GZMM: variants seen among roughly 807,000 people sequenced by gnomAD.
GZMM encodes HU-Met-1.
A neutral mutation model predicts 19.2 loss-of-function variants in GZMM; 23 were observed. That is an observed-to-expected ratio of 1.20 (90% CI 0.86 to 1.69). GZMM has a LOEUF of 1.69. Ranked by LOEUF, GZMM falls within the 40% of genes most tolerant of loss-of-function variation. The pLI, the probability that GZMM is intolerant of heterozygous loss-of-function variation, is 0.00. For synonymous variants in GZMM, 178 were observed against 160.2 expected (o/e 1.11, Z -0.84); for missense variants, 373 against 352.2 (o/e 1.06, Z -0.47).
chr19:548,881 C>G (rs906889947), intron 3 of GZMM, 41 bp from the exon 4 acceptor site: 2 of 1,272,306 alleles, frequency 1.6e-6, no homozygotes, highest in African/African-American at 1.5e-5. Context: ...CGCACTCTCA[C>G]CCCCTCCCCC....
At chr19:549,517 T>C (rs996870769) in intron 4 of GZMM, 113 bp from the exon 5 acceptor site, 38 of 1,116,902 alleles carry the variant, frequency 3.4e-5, no homozygotes, top group Non-Finnish European at 1.0e-5. Flanking sequence ...GCAGCCCCTG[T>C]GTCTCCTTGA....
rs537666801 is a variant in GZMM at position 544,391 on chromosome 19, C to T, written c.55+265C>T. On this transcript the variant is annotated intron_variant, in intron 1 of 4. Coordinates refer to ENST00000264553, the MANE Select transcript of GZMM (RefSeq NM_005317.4). ...GCAGCCAGAAGGCAGGGGTCACGCT[C>T]ACACCCGAGGTGCAGAGTAGGAGAC... Among the ~76,000 whole-genome samples the T allele has an allele frequency of 1.1e-4, 17 of 152,230 alleles. No homozygotes were observed. In the South Asian group the frequency reaches 3.5e-3, roughly 32 times the overall value.
intron 4 of GZMM, 33 bp downstream of exon 4, chr19:549,218 A>G: frequency 6.5e-7 from 1 of 1,529,562 alleles, no homozygotes; most frequent in East Asian, 2.4e-5. Flanking sequence ...TGGGGGAATG[A>G]GGCTGGCGGG....
intron 1 of GZMM, among the ~76,000 whole-genome samples, chr19:546,069 T>C (rs1049064316): frequency 6.5e-4 from 16 of 24,440 alleles, no homozygotes; most frequent in Admixed American, 5.7e-3. Flanking sequence ...CGTGAGCCAC[T>C]GCACCGGCCC....
At chr19:548,704 T>C in intron 3 of GZMM, 27 bp downstream of exon 3, 1 of 1,608,902 alleles carries the variant, frequency 6.2e-7, no homozygotes, top group Non-Finnish European at 8.5e-7. Context: ...CAGGGAGAAC[T>C]GGGCACCCTC....
At chr19:548,492 G>C (rs1484485769) in intron 2 of GZMM, 50 bp from the exon 3 acceptor site, 4 of 1,592,332 alleles carry the variant, frequency 2.5e-6, no homozygotes, top group Non-Finnish European at 3.4e-6. Flanking sequence ...CATGTGGCGG[G>C]TCGTCCACGC....
rs376548111 is a variant in GZMM at position 549,785 on chromosome 19, G to A, written c.768G>A (p.Ser256=). Residue 256 remains serine (S), a synonymous_variant, in exon 5 of 5, where the codon TCG becomes TCA. Coordinates refer to ENST00000264553, the MANE Select transcript of GZMM (RefSeq NM_005317.4). ...VSWIRKVTGR[S]A is the part of the protein sequence containing the mutation. ...GGATCAGGAAGGTCACCGGCCGATC[G>A]GCCTGATGCCCTGGGGTGATGGGGA... is the stretch of plus-strand genomic sequence containing the variant. 25 of 1,611,610 alleles carry A rather than the reference G, an allele frequency of 1.6e-5. No individual in the cohort carries two copies. Among genetic ancestry groups the A allele is most frequent in the Non-Finnish European group, 2.0e-5 (24 of 1,179,700 alleles).
chr19:548,425 G>A, intron 2 of GZMM, 117 bp from the exon 3 acceptor site: 1 of 1,000,600 alleles, frequency 1.0e-6, no homozygotes, highest in Non-Finnish European at 1.5e-6. Context: ...AGGCCTGTGA[G>A]GGGCAGCGGC....
At position 549,616 on chromosome 19, in the gene GZMM, T is replaced by C. The variant is rs1318525032; in HGVS notation, c.613-14T>C. 1 of 1,607,054 alleles carries C rather than the reference T, an allele frequency of 6.2e-7. No individual in the cohort carries two copies. The stretch of plus-strand genomic sequence containing the variant: ...CAGGTGCAGAGGCTGAGCTGCGGTG[T>C]GTCGTCCCTGCAGGGTGACTCGGGC... On this transcript the variant is annotated splice_polypyrimidine_tract_variant and intron_variant, in intron 4 of 4. Transcript: ENST00000264553.
At chr19:548,814 C>A (rs1302396787) in intron 3 of GZMM, 108 bp from the exon 4 acceptor site, 3 of 468,692 alleles carry the variant, frequency 6.4e-6, no homozygotes, top group East Asian at 4.6e-5. Flanking sequence ...TGCCCCCTCC[C>A]CCATTGCCCA....
At chr19:548,063 C>T (rs987559610) in intron 2 of GZMM, among the ~76,000 whole-genome samples, 1 of 152,174 alleles carries the variant, frequency 6.6e-6, no homozygotes, top group African/African-American at 2.4e-5. Context: ...CTGTGGAGCC[C>T]ATCTGTCTCC....
chr19:545,496 T>G (rs373181029), intron 1 of GZMM, among the ~76,000 whole-genome samples: 1 of 148,152 alleles, frequency 6.7e-6, no homozygotes, highest in Non-Finnish European at 1.5e-5. Flanking sequence ...TACAGGCGCC[T>G]GCCACCATGC....
In GZMM at chr19:549,865, GAGGAC is replaced by G; in HGVS notation, c.*75_*79del. The G allele has an allele frequency of 1.3e-5, 7 of 530,994 alleles. No homozygotes were observed. Among genetic ancestry groups the G allele is most frequent in the Non-Finnish European group, 2.1e-5 (6 of 284,200 alleles). 32.9% of individuals were successfully genotyped at this position (530,994 alleles called of 1,614,324 possible). A position where few individuals can be genotyped will look rare whatever the true frequency, so the allele number is the denominator to read the frequency against. ...CCTCCAGGGGTGCAGTGGGGTGGGT[GAGGAC>G]GGGTGGGAGGGACAGGGAGGGACCA... On this transcript the variant is annotated 3_prime_UTR_variant, in exon 5 of 5. Coordinates refer to ENST00000264553, the MANE Select transcript of GZMM (RefSeq NM_005317.4).
At chr19:546,637 A>G (rs1323002903) in intron 1 of GZMM, among the ~76,000 whole-genome samples, 1 of 150,822 alleles carries the variant, frequency 6.6e-6, no homozygotes, top group Non-Finnish European at 1.5e-5. Flanking sequence ...CAGGAGTTCG[A>G]GACCAGCCTG....
chr19:546,078 C>T (rs1205470591), intron 1 of GZMM, among the ~76,000 whole-genome samples: 2 of 152,172 alleles, frequency 1.3e-5, no homozygotes, highest in African/African-American at 4.8e-5. Flanking sequence ...CTGCACCGGC[C>T]CGCAAGCGGG....
intron 1 of GZMM, 118 bp from the exon 2 acceptor site, chr19:547,162 C>G: frequency 1.1e-6 from 1 of 948,490 alleles, no homozygotes; most frequent in East Asian, 2.9e-5. Context: ...ACACTGGGGA[C>G]TTCATTAGGA....
In GZMM at chr19:548,980, G is replaced by T. The variant is rs760597103; in HGVS notation, c.407G>T (p.Arg136Leu). 1.9e-6 allele frequency: 3 copies of T among 1,603,422 alleles called. No homozygotes were observed. The highest frequency in any genetic ancestry group is 1.7e-5 in the Admixed American group (1 of 59,320). ...TIRPLALPSK[R>L]QVVAAGTRCS... Reference sequence around the variant, plus strand: ...CGGCCGTTGGCCCTGCCCAGTAAGCGCCAGGTGGTGGCAGCAGGGACTCGG... The same window carrying T: ...CGGCCGTTGGCCCTGCCCAGTAAGCTCCAGGTGGTGGCAGCAGGGACTCGG... Residue 136 changes from arginine (R) to leucine (L), a missense_variant, in exon 4 of 5, where the codon CGC becomes CTC. Arg to Leu is a moderately radical substitution (Grantham distance 102, BLOSUM62 -2). Coordinates refer to ENST00000264553, the MANE Select transcript of GZMM (RefSeq NM_005317.4).
At chr19:544,562 G>A (rs1230373128) in intron 1 of GZMM, among the ~76,000 whole-genome samples, 3 of 152,116 alleles carry the variant, frequency 2.0e-5, no homozygotes, top group Non-Finnish European at 4.4e-5. Flanking sequence ...GGTGGGTGGC[G>A]GCTCCCCTGC....
chr19:549,335 C>T (rs990910422), intron 4 of GZMM, 150 bp downstream of exon 4: 24 of 865,460 alleles, frequency 2.8e-5, no homozygotes, highest in Non-Finnish European at 4.0e-5. Flanking sequence ...GGTCCCGTTT[C>T]TCAGGTGCAG....
Sources: allele counts gnomAD v4.1 joint callset (sites outside exome capture counted in the v4.1 genomes callset), GRCh38; gene constraint gnomAD v4.1.1; transcripts MANE v1.5; gene names NCBI Gene and HGNC (gene_info 2026-07-23, HGNC 2026-07-21).